The following CLPB variants were observed in gnomAD, a reference collection of about 807,000 sequenced individuals.
The protein encoded by CLPB is mitochondrial disaggregase.
CLPB carries 40 observed loss-of-function variants against 78.4 expected under a neutral mutation model. That is an observed-to-expected ratio of 0.51 (90% confidence interval 0.40 to 0.66). CLPB has a LOEUF of 0.66. CLPB is among the 30% of genes least tolerant of loss of function. CLPB has a pLI of 0.00. For synonymous variants in CLPB, 333 were observed against 348.0 expected (o/e 0.96, Z 0.48); for missense variants, 780 against 886.9 (o/e 0.88, Z 1.53).
At chr11:72,364,634 A>G (rs1950907159) in intron 4 of CLPB, among the ~76,000 whole-genome samples, 1 of 152,124 alleles carries the variant, frequency 6.6e-6, no homozygotes, top group Admixed American at 6.5e-5. Flanking sequence ...TGCTAAGATT[A>G]CAGGCATGAA....
intron 4 of CLPB, among the ~76,000 whole-genome samples, chr11:72,377,270 T>A (rs933240918): frequency 6.6e-6 from 1 of 152,228 alleles, no homozygotes; most frequent in Non-Finnish European, 1.5e-5. Context: ...TCTAGGACTC[T>A]GTGTTTAATA....
intron 4 of CLPB, among the ~76,000 whole-genome samples, chr11:72,372,023 G>GT (rs1296096260): frequency 1.3e-5 from 2 of 152,130 alleles, no homozygotes; most frequent in African/African-American, 2.4e-5. Flanking sequence ...AAGCGCTTTC[G>GT]TAAGTACTCC....
Position 72,293,645 on chromosome 11 carries a change from C to T in CLPB, c.1786-30G>A. 3 of 1,593,968 alleles carry T rather than the reference C, an allele frequency of 1.9e-6. No homozygotes were observed. In the South Asian group the frequency reaches 3.4e-5, roughly 18 times the overall value. On this transcript the variant is annotated intron_variant, in intron 15 of 15. Coordinates refer to ENST00000538039, the MANE Select transcript of CLPB (RefSeq NM_001258392.3). ...CGGTGGGGAGGTGAAGTGGTCACTC[C>T]CTCGGCCTGGACCCAGCTTGGAGGT...
chr11:72,370,194 G>C (rs886981694), intron 4 of CLPB, among the ~76,000 whole-genome samples: 1 of 152,112 alleles, frequency 6.6e-6, no homozygotes, highest in Non-Finnish European at 1.5e-5. Flanking sequence ...ATGTAAATCA[G>C]TTAAAAATCA....
chr11:72,371,237 A>AAT (rs909722826), intron 4 of CLPB, among the ~76,000 whole-genome samples: 18 of 152,028 alleles, frequency 1.2e-4, no homozygotes, highest in Admixed American at 8.5e-4. Flanking sequence ...CTAATTAAAA[A>AAT]ATATATATAT....
chr11:72,317,737 C>G (rs1949974597), intron 6 of CLPB, among the ~76,000 whole-genome samples: 1 of 152,218 alleles, frequency 6.6e-6, no homozygotes, highest in East Asian at 1.9e-4. Flanking sequence ...TTCAATTAAA[C>G]ATAATTATTC....
Position 72,294,451 on chromosome 11 carries a change from G to A in CLPB, c.1561-7C>T. ...CATCCCTCCGGAAGTGAGCCTGAAG[G>A]GCCAGGTTAGGGGTGGGATGAGCTC... On this transcript the variant is annotated splice_region_variant and splice_polypyrimidine_tract_variant and intron_variant, in intron 13 of 15. Coordinates refer to ENST00000538039, the MANE Select transcript of CLPB (RefSeq NM_001258392.3). 5.0e-6 allele frequency: 8 copies of A among 1,614,038 alleles called. No homozygotes were observed. The highest frequency in any genetic ancestry group is 6.8e-6 in the Non-Finnish European group (8 of 1,179,978).
chr11:72,381,202 G>A (rs746948928), intron 3 of CLPB, among the ~76,000 whole-genome samples: 25 of 152,218 alleles, frequency 1.6e-4, no homozygotes, highest in Admixed American at 5.2e-4. Context: ...AACTCCAGGC[G>A]GTACACATGG....
chr11:72,365,099 C>A (rs1355840915), intron 4 of CLPB, among the ~76,000 whole-genome samples: 1 of 152,138 alleles, frequency 6.6e-6, no homozygotes, highest in African/African-American at 2.4e-5. Context: ...ACAGGAGGAT[C>A]ATCTGAGGTT....
chr11:72,335,253 T>C (rs140470501), intron 5 of CLPB, among the ~76,000 whole-genome samples: 1 of 152,304 alleles, frequency 6.6e-6, no homozygotes, highest in Non-Finnish European at 1.5e-5. Context: ...CCTGGCTCAC[T>C]GGTGCTGAGG....
At chr11:72,306,071 C>T (rs1323466495) in intron 9 of CLPB, among the ~76,000 whole-genome samples, 5 of 152,196 alleles carry the variant, frequency 3.3e-5, no homozygotes, top group East Asian at 3.9e-4. Flanking sequence ...AATGCTATCT[C>T]GGTCGGAGCG....
chr11:72,331,635 C>T (rs998342332), intron 5 of CLPB, among the ~76,000 whole-genome samples: 2 of 131,668 alleles, frequency 1.5e-5, no homozygotes, highest in African/African-American at 5.8e-5. Context: ...AGTGCAGTGG[C>T]GTGATATCTG....
chr11:72,403,133 A>G (rs1397584205), intron 2 of CLPB, 81 bp from the exon 3 acceptor site: 1 of 1,332,546 alleles, frequency 7.5e-7, no homozygotes, highest in Non-Finnish European at 1.1e-6. Flanking sequence ...AAGACAGAGG[A>G]ATATTTTCAG....
intron 4 of CLPB, among the ~76,000 whole-genome samples, chr11:72,364,905 A>AGCAAAAAACAAATC (rs1950914253): frequency 6.6e-6 from 1 of 152,208 alleles, no homozygotes; most frequent in Non-Finnish European, 1.5e-5. Flanking sequence ...TCAATGGCAA[A>AGCAAAAAACAAATC]CCTAATTTAA....
intron 8 of CLPB, 124 bp from the exon 9 acceptor site, chr11:72,307,378 A>G: frequency 1.2e-6 from 1 of 822,634 alleles, no homozygotes; most frequent in Non-Finnish European, 2.0e-6. Context: ...GTTGAGGCGC[A>G]GAAAGGATCA....
chr11:72,307,164 C>T lies in CLPB; in HGVS notation c.1122+35G>A, dbSNP rs372547231. Reference sequence around the variant, plus strand: ...GATAGCAGGAATGGTGAGGTCTCCACGATCTGCAGATCAGACCTAGGTCCC... The same window carrying T: ...GATAGCAGGAATGGTGAGGTCTCCATGATCTGCAGATCAGACCTAGGTCCC... On this transcript the variant is annotated intron_variant, in intron 9 of 15. Transcript: ENST00000538039. The T allele has an allele frequency of 2.1e-4, 330 of 1,595,638 alleles. 1 individual carries two copies. Among genetic ancestry groups the T allele is most frequent in the Non-Finnish European group, 3.6e-5 (42 of 1,163,618 alleles).
intron 3 of CLPB, 122 bp downstream of exon 3, chr11:72,402,844 C>A (rs983413319): frequency 1.4e-6 from 1 of 733,964 alleles, no homozygotes; most frequent in Non-Finnish European, 2.3e-6. Flanking sequence ...GTACCTCAGT[C>A]TGAATCTATC....
chr11:72,377,889 T>C lies in CLPB; in HGVS notation c.646+2392A>G, dbSNP rs142799861. ...CATCACTTCGTTTGTGTATTGTTTG[T>C]GGCTGCTTCTGTATCACAATGGTCG... On this transcript the variant is annotated intron_variant, in intron 4 of 15. Transcript: ENST00000538039. Among the ~76,000 whole-genome samples the C allele has an allele frequency of 6.6e-3, 1,006 of 152,364 alleles. 19 individuals carry two copies. The highest frequency in any genetic ancestry group is 0.023 in the African/African-American group (963 of 41,582).
chr11:72,376,581 T>TA (rs1156610048), intron 4 of CLPB, among the ~76,000 whole-genome samples: 3 of 148,918 alleles, frequency 2.0e-5, no homozygotes, highest in Non-Finnish European at 4.5e-5. Context: ...AAAAAAAAGG[T>TA]AGAGAGATCT....
Sources: gnomAD v4.1 joint callset for allele counts (sites outside exome capture counted in the v4.1 genomes callset) on GRCh38, gnomAD v4.1.1 for gene constraint, MANE v1.5 for transcripts, NCBI Gene and HGNC (gene_info 2026-07-23, HGNC 2026-07-21) for gene names.